The following NDUFA9 variants were observed in gnomAD, a reference collection of about 807,000 sequenced individuals.
NDUFA9 encodes NADH:ubiquinone oxidoreductase subunit A9, also known as NADH dehydrogenase [ubiquinone] 1 alpha subcomplex subunit 9, mitochondrial.
Under a neutral mutation model 45.9 loss-of-function variants are expected in NDUFA9, and 23 were observed. The observed-to-expected ratio is 0.50, with a 90% CI of 0.36 to 0.71. The LOEUF (loss-of-function observed/expected upper bound fraction) is 0.71, where lower values mean the gene tolerates loss of function less well. Among genes scored for constraint, NDUFA9 ranks in the 30% least tolerant of loss-of-function variants. NDUFA9 has a pLI of 0.00. For synonymous variants in NDUFA9, 176 were observed against 170.5 expected, an observed-to-expected ratio of 1.03 and a Z score of -0.25; for missense variants, 466 against 488.2, an observed-to-expected ratio of 0.95 and a Z score of 0.43.
intron 3 of NDUFA9, 32 bp from the exon 4 acceptor site, chr12:4,657,716 T>C: frequency 1.3e-6 from 2 of 1,529,298 alleles, no homozygotes; most frequent in Non-Finnish European, 1.8e-6. Flanking sequence ...TATACCCCTA[T>C]GTTTTCATCC....
Position 4,654,842 on chromosome 12 carries a change from G to C in NDUFA9, c.238G>C (p.Val80Leu). 6.2e-7 allele frequency: 1 copy of C among 1,613,020 alleles called. No individual in the cohort carries two copies. The highest frequency in any genetic ancestry group is 8.5e-7 in the Non-Finnish European group (1 of 1,179,518). Reference sequence around the variant, plus strand: ...TCTTTTAGGACGCATGGGGTCACAGGTAATCATACCCTATCGGTGTGATAA... The same window carrying C: ...TCTTTTAGGACGCATGGGGTCACAGCTAATCATACCCTATCGGTGTGATAA... ...VNHLGRMGSQ[V>L]IIPYRCDKYD... The change falls in exon 3 of 11, where the codon GTA becomes CTA. Residue 80 changes from valine to leucine, a missense_variant. Coordinates refer to ENST00000266544, the MANE Select transcript of NDUFA9 (RefSeq NM_005002.5).
Position 4,669,689 on chromosome 12 carries a change from A to G in NDUFA9, c.724-52A>G. ...CTTTCTTTCTATCTCTCCATCTCCC[A>G]TTCTGTCTCTTTTTCAACAATTACT... On this transcript the variant is annotated intron_variant, in intron 7 of 10. Coordinates refer to ENST00000266544, the MANE Select transcript of NDUFA9 (RefSeq NM_005002.5). The G allele has an allele frequency of 3.4e-6, 4 of 1,182,332 alleles. No homozygotes were observed. In the South Asian group the frequency reaches 4.0e-5, roughly 12 times the overall value. 73.2% of individuals were successfully genotyped at this position (1,182,332 alleles called of 1,614,324 possible).
chr12:4,659,447 C>G (rs1344422774), intron 5 of NDUFA9, among the ~76,000 whole-genome samples: 1 of 152,164 alleles, frequency 6.6e-6, no homozygotes, highest in Non-Finnish European at 1.5e-5. Flanking sequence ...TTTGGGGCAT[C>G]ATTGAATTAT....
At chr12:4,679,761 A>G (rs1367629184) in intron 8 of NDUFA9, among the ~76,000 whole-genome samples, 1 of 152,214 alleles carries the variant, frequency 6.6e-6, no homozygotes, top group Non-Finnish European at 1.5e-5. Context: ...GAAACGGGTA[A>G]AGAGAAGGCT....
intron 6 of NDUFA9, among the ~76,000 whole-genome samples, chr12:4,666,269 T>A (rs1046418098): frequency 1.3e-5 from 2 of 152,214 alleles, no homozygotes; most frequent in Admixed American, 1.3e-4. Flanking sequence ...GGAGTTTTTT[T>A]ATTTATTCAG....
chr12:4,685,302 A>G lies in NDUFA9; in HGVS notation c.940A>G (p.Ile314Val). 3.7e-6 allele frequency: 6 copies of G among 1,614,090 alleles called. No homozygotes were observed. The highest frequency in any genetic ancestry group is 1.7e-5 in the Admixed American group (1 of 60,020). ...TGAAATAAGCCCATTTGAGCCCTGG[A>G]TAACAAGGGATAAAGTGGAGCGGGT... ...VFEISPFEPW[I>V]TRDKVERMHI... The change falls in exon 10 of 11, where the codon ATA becomes GTA. Residue 314 changes from isoleucine to valine, a missense_variant. By Grantham distance (29) the Ile-to-Val change is conservative. Coordinates refer to ENST00000266544, the MANE Select transcript of NDUFA9 (RefSeq NM_005002.5).
intron 9 of NDUFA9, among the ~76,000 whole-genome samples, chr12:4,682,637 G>A (rs1056917029): frequency 5.9e-5 from 9 of 152,220 alleles, no homozygotes; most frequent in African/African-American, 2.2e-4. Flanking sequence ...GTTCCCCTGT[G>A]TTTCATGTCG....
chr12:4,686,219 G>C lies in NDUFA9; in HGVS notation c.964-719G>C, dbSNP rs557692270. Among the ~76,000 whole-genome samples the C allele has an allele frequency of 1.8e-4, 28 of 152,354 alleles. No homozygotes were observed. In the South Asian group the frequency reaches 5.8e-3, roughly 32 times the overall value. ...ACAGCCCTCTGGTAAAAGAATTGCA[G>C]ACTTTCAGGTGGGTAGGATGAGGGA... On this transcript the variant is annotated intron_variant, in intron 10 of 10. Transcript: ENST00000266544.
At chr12:4,665,034 A>G (rs1349451147) in intron 6 of NDUFA9, among the ~76,000 whole-genome samples, 1 of 152,136 alleles carries the variant, frequency 6.6e-6, no homozygotes, top group Non-Finnish European at 1.5e-5. Context: ...GATGACCCAC[A>G]CCTTGAGTCT....
At chr12:4,665,828 G>C (rs2137471775) in intron 6 of NDUFA9, among the ~76,000 whole-genome samples, 1 of 148,622 alleles carries the variant, frequency 6.7e-6, no homozygotes, top group South Asian at 2.1e-4. Context: ...TTTTGTTTTT[G>C]AGATTGGGTC....
rs1946023929 is a variant in NDUFA9 at position 4,692,574 on chromosome 12, C to T, written c.*5466C>T. On this transcript the variant is annotated 3_prime_UTR_variant, in exon 11 of 11. Transcript: ENST00000266544. The stretch of plus-strand genomic sequence containing the variant: ...CTAATCGTGTTAGGAAGAAGCCTGT[C>T]TGAAGTGCAGTCAGGCTGAGGGGAG... 1 of 152,150 alleles carries T rather than the reference C, an allele frequency of 6.6e-6. No individual in the cohort carries two copies. The highest frequency in any genetic ancestry group is 6.5e-5 in the Admixed American group (1 of 15,278). 9.4% of individuals were successfully genotyped at this position (152,150 alleles called of 1,614,324 possible). A position where few individuals can be genotyped will look rare whatever the true frequency, so the allele number is the denominator to read the frequency against.
chr12:4,674,016 A>G (rs1945903716), intron 8 of NDUFA9, among the ~76,000 whole-genome samples: 1 of 152,232 alleles, frequency 6.6e-6, no homozygotes, highest in Admixed American at 6.5e-5. Flanking sequence ...CCAACATTCA[A>G]CATTCTTAAA....
intron 8 of NDUFA9, among the ~76,000 whole-genome samples, chr12:4,675,550 G>C (rs1945914498): frequency 6.6e-6 from 1 of 152,132 alleles, no homozygotes; most frequent in Non-Finnish European, 1.5e-5. Context: ...CAGTAAACTA[G>C]AAAATCTAGA....
In NDUFA9 at chr12:4,662,574, C is replaced by T. The variant is rs768425350; in HGVS notation, c.594C>T (p.Ala198=). The T allele has an allele frequency of 1.2e-5, 19 of 1,613,842 alleles. No individual in the cohort carries two copies. In the African/African-American group the frequency reaches 1.5e-4, roughly 12 times the overall value. The part of the protein sequence containing the change: ...EKVVRDAFPE[A]IIVKPSDIFG... ...TAGTGAGAGATGCATTTCCGGAAGC[C>T]ATTATCGTAAAGCCGTCGGACATCT... The change falls in exon 6 of 11, where the codon GCC becomes GCT. Residue 198 remains alanine (A), a synonymous_variant. Coordinates refer to ENST00000266544, the MANE Select transcript of NDUFA9 (RefSeq NM_005002.5).
chr12:4,669,323 A>G (rs1945872321), intron 7 of NDUFA9, among the ~76,000 whole-genome samples: 1 of 152,214 alleles, frequency 6.6e-6, no homozygotes. Flanking sequence ...TAGCAATTCC[A>G]TGTGGTTAAG....
chr12:4,651,971 A>G (rs1332618384), intron 1 of NDUFA9, among the ~76,000 whole-genome samples: 4 of 152,228 alleles, frequency 2.6e-5, no homozygotes, highest in South Asian at 2.1e-4. Flanking sequence ...ACATTTTTCT[A>G]GGAAATTTGG....
chr12:4,652,134 T>C (rs1166376134), intron 1 of NDUFA9, among the ~76,000 whole-genome samples: 1 of 152,214 alleles, frequency 6.6e-6, no homozygotes, highest in East Asian at 1.9e-4. Flanking sequence ...TGATATGTGA[T>C]AATTCTTTGC....
At chr12:4,668,759 T>G in intron 7 of NDUFA9, 1 of 508,252 alleles carries the variant, frequency 2.0e-6, no homozygotes, top group South Asian at 2.4e-5. Context: ...ACATGTCACA[T>G]GTCACTAGGG....
In NDUFA9 at chr12:4,689,020, A is replaced by G. The variant is rs1052228080; in HGVS notation, c.*1912A>G. 6 of 152,232 alleles carry G rather than the reference A, an allele frequency of 3.9e-5. No homozygotes were observed. The highest frequency in any genetic ancestry group is 7.3e-5 in the Non-Finnish European group (5 of 68,048). The allele number at this position is 152,232 out of a possible 1,614,324, so 9.4% of individuals were successfully genotyped here. The stretch of plus-strand genomic sequence containing the variant: ...TAATAGATGTAAATATTGTCAGGGT[A>G]TATGTGGTAATTTGATATATTCATA... On this transcript the variant is annotated 3_prime_UTR_variant, in exon 11 of 11. Coordinates refer to ENST00000266544, the MANE Select transcript of NDUFA9 (RefSeq NM_005002.5).
Sources: gnomAD v4.1 joint callset for allele counts (sites outside exome capture counted in the v4.1 genomes callset) on GRCh38, gnomAD v4.1.1 for gene constraint, MANE v1.5 for transcripts, NCBI Gene and HGNC (gene_info 2026-07-23, HGNC 2026-07-21) for gene names.